DENND4C: variants seen among roughly 807,000 people sequenced by gnomAD.
The protein encoded by DENND4C is DENN domain containing 4C.
DENND4C carries 108 observed loss-of-function variants against 203.0 expected under a neutral mutation model. The ratio of observed to expected loss-of-function variants is 0.53; its 90% CI spans 0.46 to 0.62. DENND4C has a LOEUF of 0.62. Ranked by LOEUF, DENND4C falls within the 20% of genes least tolerant of loss-of-function variation. The pLI is 0.00. For synonymous variants in DENND4C, 871 were observed against 792.4 expected, an observed-to-expected ratio of 1.10 and a Z score of -1.67; for missense variants, 2,481 against 2,301.2, an observed-to-expected ratio of 1.08 and a Z score of -1.60.
chr9:19,272,252 C>G (rs1256316454), intron 1 of DENND4C, among the ~76,000 whole-genome samples: 4 of 151,638 alleles, frequency 2.6e-5, no homozygotes, highest in African/African-American at 9.7e-5. Flanking sequence ...AAAGCCTGGT[C>G]TCTACAAAAA....
At chr9:19,258,801 C>T (rs533192129) in intron 1 of DENND4C, among the ~76,000 whole-genome samples, 1 of 152,056 alleles carries the variant, frequency 6.6e-6, no homozygotes, top group East Asian at 1.9e-4. Flanking sequence ...ACTACAGGTG[C>T]ACGCCACCAG....
intron 1 of DENND4C, among the ~76,000 whole-genome samples, chr9:19,244,223 A>G (rs1047762899): frequency 6.6e-6 from 1 of 151,814 alleles, no homozygotes; most frequent in African/African-American, 2.4e-5. Flanking sequence ...TAGAGATGGG[A>G]TTTTGCCATG....
chr9:19,241,582 C>A (rs909109219), intron 1 of DENND4C, among the ~76,000 whole-genome samples: 1 of 151,390 alleles, frequency 6.6e-6, no homozygotes, highest in African/African-American at 2.4e-5. Flanking sequence ...TAGTCTAGGG[C>A]CCACACAAGG....
intron 2 of DENND4C, among the ~76,000 whole-genome samples, chr9:19,279,763 C>G (rs978684326): frequency 6.6e-6 from 1 of 151,998 alleles, no homozygotes; most frequent in Non-Finnish European, 1.5e-5. Context: ...GGGAGGATCA[C>G]TGGAGCCCAG....
chr9:19,285,308 C>T (rs1212616495), intron 2 of DENND4C, among the ~76,000 whole-genome samples: 1 of 152,082 alleles, frequency 6.6e-6, no homozygotes, highest in Non-Finnish European at 1.5e-5. Context: ...TATGGAGATA[C>T]AATTCACATG....
At position 19,300,221 on chromosome 9, in the gene DENND4C, G is replaced by C; in HGVS notation, c.1201G>C (p.Gly401Arg). 6.2e-7 allele frequency: 1 copy of C among 1,610,756 alleles called. No homozygotes were observed. Among genetic ancestry groups the C allele is most frequent in the Non-Finnish European group, 8.5e-7 (1 of 1,177,708 alleles). ...ANFSTLLMNL[G>R]PENCATLLLF... is the part of the protein sequence containing the mutation. ...CTTTAGCACCTTGCTAATGAATCTG[G>C]GTCCTGAGAATTGTGCAACACTGCT... is the stretch of plus-strand genomic sequence containing the variant. The change falls in exon 9 of 33, where the codon GGT becomes CGT. Residue 401 changes from glycine (G) to arginine (R), a missense_variant. Transcript: ENST00000434457.
chr9:19,275,375 C>G (rs1465120542), intron 1 of DENND4C, among the ~76,000 whole-genome samples: 1 of 150,392 alleles, frequency 6.6e-6, no homozygotes, highest in Admixed American at 6.7e-5. Context: ...TCACTGAAAC[C>G]TCCGCCTTCC....
At chr9:19,267,799 A>G (rs1830816695) in intron 1 of DENND4C, among the ~76,000 whole-genome samples, 1 of 152,022 alleles carries the variant, frequency 6.6e-6, no homozygotes, top group Admixed American at 6.6e-5. Context: ...TCAGCCTCCT[A>G]AAGTGCTGAG....
intron 2 of DENND4C, among the ~76,000 whole-genome samples, chr9:19,277,329 T>TA (rs1833080528): frequency 6.6e-6 from 1 of 152,220 alleles, no homozygotes; most frequent in African/African-American, 2.4e-5. Flanking sequence ...GAACGTGGAA[T>TA]GTTTTCCATT....
At chr9:19,357,858 A>T in intron 27 of DENND4C, 107 bp from the exon 28 acceptor site, 1 of 872,556 alleles carries the variant, frequency 1.1e-6, no homozygotes, top group Non-Finnish European at 1.7e-6. Flanking sequence ...GATTCTTCTT[A>T]GATATATTTA....
At chr9:19,357,301 G>C (rs1051025030) in intron 27 of DENND4C, 147 bp downstream of exon 27, 9 of 677,810 alleles carry the variant, frequency 1.3e-5, no homozygotes, top group Non-Finnish European at 2.2e-5. Flanking sequence ...AGTGTTTAAC[G>C]AGCTAATGAA....
intron 1 of DENND4C, among the ~76,000 whole-genome samples, chr9:19,246,383 A>G (rs1407055888): frequency 2.0e-5 from 3 of 152,088 alleles, no homozygotes. Flanking sequence ...TTTGTTTGCT[A>G]AGAAGACTAT....
Position 19,346,240 on chromosome 9 carries a change from T to C in DENND4C, c.3471T>C (p.Pro1157=), listed in dbSNP as rs987868583. Residue 1157 remains proline (P), a synonymous_variant, in exon 23 of 33, where the codon CCT becomes CCC. Transcript: ENST00000434457. ...HSFENVSCHL[P]DSRTCMSEST... is the part of the protein sequence containing the mutation. Reference sequence around the variant, plus strand: ...TTGAGAATGTTAGCTGTCACCTACCTGATAGTAGGACTTGTATGTCTGAAA... The same window carrying C: ...TTGAGAATGTTAGCTGTCACCTACCCGATAGTAGGACTTGTATGTCTGAAA... 6.2e-7 allele frequency: 1 copy of C among 1,613,990 alleles called. No homozygotes were observed. Among genetic ancestry groups the C allele is most frequent in the African/African-American group, 1.3e-5 (1 of 74,936 alleles).
chr9:19,365,500 A>G (rs1334310765), intron 30 of DENND4C, among the ~76,000 whole-genome samples: 2 of 152,188 alleles, frequency 1.3e-5, no homozygotes, highest in Non-Finnish European at 2.9e-5. Flanking sequence ...CACTTTTGCC[A>G]TTTTTATTTA....
intron 1 of DENND4C, among the ~76,000 whole-genome samples, chr9:19,267,872 C>G (rs1408803471): frequency 6.6e-6 from 1 of 152,042 alleles, no homozygotes; most frequent in Non-Finnish European, 1.5e-5. Flanking sequence ...TCGGACTGTG[C>G]TTGTTTAAAT....
At chr9:19,367,704 C>A (rs1319083462) in intron 30 of DENND4C, among the ~76,000 whole-genome samples, 1 of 152,196 alleles carries the variant, frequency 6.6e-6, no homozygotes, top group Non-Finnish European at 1.5e-5. Context: ...TCTGCTGCTG[C>A]ACTCCAGCCT....
chr9:19,328,377 C>A (rs1033401603), intron 16 of DENND4C, among the ~76,000 whole-genome samples: 1 of 152,190 alleles, frequency 6.6e-6, no homozygotes. Context: ...CTTTCAGAGG[C>A]TGAGGTGAGC....
chr9:19,300,058 C>A, intron 8 of DENND4C, 129 bp from the exon 9 acceptor site: 1 of 947,022 alleles, frequency 1.1e-6, no homozygotes, highest in Non-Finnish European at 1.5e-6. Flanking sequence ...TGCTACTTTT[C>A]ATTGATAAAT....
chr9:19,231,369 C>T (rs1237714698), intron 1 of DENND4C, among the ~76,000 whole-genome samples: 1 of 152,098 alleles, frequency 6.6e-6, no homozygotes, highest in Non-Finnish European at 1.5e-5. Flanking sequence ...GAAGACATTT[C>T]CTTCTCTGTC....
Sources: gnomAD v4.1 joint callset for allele counts (sites outside exome capture counted in the v4.1 genomes callset) on GRCh38, gnomAD v4.1.1 for gene constraint, MANE v1.5 for transcripts, NCBI Gene and HGNC (gene_info 2026-07-23, HGNC 2026-07-21) for gene names.